Variants in PDIK1L observed in about 807,000 individuals in gnomAD.
PDIK1L encodes the protein serine/threonine-protein kinase PDIK1L.
A neutral mutation model predicts 27.1 loss-of-function variants in PDIK1L; 9 were observed. That is an observed-to-expected ratio of 0.33 (90% confidence interval 0.20 to 0.58). The LOEUF (loss-of-function observed/expected upper bound fraction) is 0.58, where lower values mean the gene tolerates loss of function less well. PDIK1L is among the 20% of genes least tolerant of loss of function. PDIK1L has a pLI of 0.86. For synonymous variants in PDIK1L, 130 were observed against 141.7 expected (o/e 0.92, Z 0.59); for missense variants, 216 against 413.2 (o/e 0.52, Z 4.14).
Position 26,122,704 on chromosome 1 carries a change from A to ATT in PDIK1L, c.*136_*137dup. On this transcript the variant is annotated 3_prime_UTR_variant, in exon 3 of 3. Transcript: ENST00000374269. This position sits in a 1 kb window ranked among gnomAD's most constrained non-coding sequence, Gnocchi z 5.4. ...TCTAAGGGTTTAGATTTTTTGTGGG[A>ATT]TTTTTTTTTTCCTCATTTTTCTTAA... is the stretch of plus-strand genomic sequence containing the variant. 4.5e-6 allele frequency: 5 copies of ATT among 1,115,198 alleles called. No homozygotes were observed. Among genetic ancestry groups the ATT allele is most frequent in the Non-Finnish European group, 5.8e-6 (5 of 855,392 alleles). The allele number at this position is 1,115,198 out of a possible 1,614,324, so 69.1% of individuals were successfully genotyped here.
At chr1:26,118,476 A>C (rs1333460379) in intron 2 of PDIK1L, among the ~76,000 whole-genome samples, 2 of 152,218 alleles carry the variant, frequency 1.3e-5, no homozygotes, top group Admixed American at 1.3e-4. Flanking sequence ...TTTGTTTAGT[A>C]AATCTCTTTC....
intron 2 of PDIK1L, among the ~76,000 whole-genome samples, chr1:26,115,781 A>G (rs57525480): frequency 0.17 from 25,007 of 150,492 alleles, 2,244 homozygotes; most frequent in Middle Eastern, 0.24. Flanking sequence ...CAGCCTGGGC[A>G]ACTGAGCGAG....
In PDIK1L at chr1:26,124,345, C is replaced by A. The variant is rs1017549835; in HGVS notation, c.*1768C>A. On this transcript the variant is annotated 3_prime_UTR_variant, in exon 3 of 3. Transcript: ENST00000374269. ...TTTTAAGCTAATAAATATAAGAATT[C>A]TTTTGGAAATTAGAGGTGGAAACAC... 6.6e-6 allele frequency: 1 copy of A among 152,040 alleles called. No homozygotes were observed. Among genetic ancestry groups the A allele is most frequent in the Non-Finnish European group, 1.5e-5 (1 of 67,966 alleles). The allele number at this position is 152,040 out of a possible 1,614,324, so 9.4% of individuals were successfully genotyped here. A position where few individuals can be genotyped will look rare whatever the true frequency, so the allele number is the denominator to read the frequency against.
chr1:26,121,403 G>A (rs1424106682), intron 2 of PDIK1L, among the ~76,000 whole-genome samples: 1 of 152,180 alleles, frequency 6.6e-6, no homozygotes, highest in Non-Finnish European at 1.5e-5. Context: ...TGTGCAATCA[G>A]TAAGAAGTAT....
rs1165207432 is a variant in PDIK1L, at chr1:26,123,942, A to G, written c.*1365A>G. ...CTGTAAATGCAGATAGTTAAAATCT[A>G]AAGGATAGAATGCTTTCCTAAAACA... On this transcript the variant is annotated 3_prime_UTR_variant, in exon 3 of 3. Coordinates refer to ENST00000374269, the MANE Select transcript of PDIK1L (RefSeq NM_152835.5). The G allele has an allele frequency of 6.6e-6, 1 of 152,662 alleles. No individual in the cohort carries two copies. The highest frequency in any genetic ancestry group is 1.5e-5 in the Non-Finnish European group (1 of 68,040). 9.5% of individuals were successfully genotyped at this position (152,662 alleles called of 1,614,324 possible). A position where few individuals can be genotyped will look rare whatever the true frequency, so the allele number is the denominator to read the frequency against.
chr1:26,114,325 C>T lies in PDIK1L; in HGVS notation c.17C>T (p.Pro6Leu). 6.2e-7 allele frequency: 1 copy of T among 1,610,112 alleles called. No homozygotes were observed. Among genetic ancestry groups the T allele is most frequent in the Non-Finnish European group, 8.5e-7 (1 of 1,176,658 alleles). MVSSQ[P>L]KYDLIREVGR... Reference sequence around the variant, plus strand: ...ACCTTGAAGATGGTGAGTAGCCAGCCAAAGTACGATCTAATACGGGAGGTA... The same window carrying T: ...ACCTTGAAGATGGTGAGTAGCCAGCTAAAGTACGATCTAATACGGGAGGTA... Residue 6 changes from proline (P) to leucine (L), a missense_variant, in exon 2 of 3, where the codon CCA becomes CTA. Transcript: ENST00000374269. This position sits in a 1 kb window ranked among gnomAD's most constrained non-coding sequence, Gnocchi z 4.8.
chr1:26,114,639 T>G lies in PDIK1L; in HGVS notation c.285+46T>G. 3.8e-6 allele frequency: 6 copies of G among 1,574,652 alleles called. No homozygotes were observed. The highest frequency in any genetic ancestry group is 1.3e-5 in the African/African-American group (1 of 74,090). On this transcript the variant is annotated intron_variant, in intron 2 of 2. Coordinates refer to ENST00000374269, the MANE Select transcript of PDIK1L (RefSeq NM_152835.5). This position sits in a 1 kb window ranked among gnomAD's most constrained non-coding sequence, Gnocchi z 4.8. ...AATAGAAATGATTTGAACATGGCAT[T>G]GGCCAGCAAGAAGAGGAATGAAAGG...
intron 2 of PDIK1L, among the ~76,000 whole-genome samples, chr1:26,118,192 G>A (rs749373828): frequency 6.6e-6 from 1 of 152,094 alleles, no homozygotes; most frequent in Non-Finnish European, 1.5e-5. Context: ...ATGGTGGCAC[G>A]CACCTTTAGT....
upstream of PDIK1L, among the ~76,000 whole-genome samples, chr1:26,111,628 C>T (rs866244651): frequency 2.0e-5 from 3 of 151,430 alleles, no homozygotes; most frequent in Non-Finnish European, 4.4e-5. This position sits in a 1 kb window ranked among gnomAD's most constrained non-coding sequence, Gnocchi z 4.0. Context: ...GTGGTGCGCT[C>T]CGGAGCGCGC....
rs2124468666 is a variant in PDIK1L, at chr1:26,114,755, CA to C, written c.285+164del. ...AATTGAGTAGATGTTTGCTTTAAAA[CA>C]AGGTTTTATTTAAACCTGTGAGGCA... On this transcript the variant is annotated intron_variant, in intron 2 of 2. Transcript: ENST00000374269. The surrounding 1 kb of genome is among the most constrained non-coding windows in gnomAD (Gnocchi z 4.8). Among the ~76,000 whole-genome samples the C allele has an allele frequency of 6.6e-6, 1 of 152,292 alleles. No individual in the cohort carries two copies. The highest frequency in any genetic ancestry group is 1.5e-5 in the Non-Finnish European group (1 of 68,020).
chr1:26,114,598 GTGT>G lies in PDIK1L; in HGVS notation c.285+11_285+13del. 1 of 1,608,272 alleles carries G rather than the reference GTGT, an allele frequency of 6.2e-7. No homozygotes were observed. Among genetic ancestry groups the G allele is most frequent in the Admixed American group, 1.7e-5 (1 of 59,890 alleles). ...AATTCTTCCCTTTATTTACAGGTAT[GTGT>G]TGTTGATTGGGAAATAGAAATGATT... On this transcript the variant is annotated splice_donor_region_variant and intron_variant, in intron 2 of 2. Coordinates refer to ENST00000374269, the MANE Select transcript of PDIK1L (RefSeq NM_152835.5). The surrounding 1 kb of genome is among the most constrained non-coding windows in gnomAD (Gnocchi z 4.8).
rs1331585200 is a variant in PDIK1L at position 26,123,180 on chromosome 1, T to TG, written c.*603_*604insG. 1.3e-5 allele frequency: 2 copies of TG among 152,406 alleles called. No homozygotes were observed. Among genetic ancestry groups the TG allele is most frequent in the African/African-American group, 4.8e-5 (2 of 41,394 alleles). The allele number at this position is 152,406 out of a possible 1,614,324, so 9.4% of individuals were successfully genotyped here. ...CTAATGAAATCATATTAAGTTGTTT[T>TG]TTTTTTTTTTTGTAATATACAGCTT... On this transcript the variant is annotated 3_prime_UTR_variant, in exon 3 of 3. Coordinates refer to ENST00000374269, the MANE Select transcript of PDIK1L (RefSeq NM_152835.5).
At chr1:26,113,751 C>T (rs946732442) in intron 1 of PDIK1L, among the ~76,000 whole-genome samples, 1 of 152,050 alleles carries the variant, frequency 6.6e-6, no homozygotes, top group Non-Finnish European at 1.5e-5. Context: ...GTTTTATGAC[C>T]ATTATGTGTG....
Position 26,125,265 on chromosome 1 carries a change from A to G in PDIK1L, c.*2688A>G, listed in dbSNP as rs1040888622. The G allele has an allele frequency of 3.9e-5, 6 of 152,554 alleles. No homozygotes were observed. Among genetic ancestry groups the G allele is most frequent in the African/African-American group, 1.4e-4 (6 of 41,420 alleles). 9.5% of individuals were successfully genotyped at this position (152,554 alleles called of 1,614,324 possible). On this transcript the variant is annotated 3_prime_UTR_variant, in exon 3 of 3. Transcript: ENST00000374269. ...GTGTCAGATAAATAGCACACAGAAT[A>G]GTTCTTTCTGCTGGTCTGTTTTTTC...
rs1417522613 is a variant in PDIK1L at position 26,125,285 on chromosome 1, T to C, written c.*2708T>C. 6.6e-6 allele frequency: 1 copy of C among 152,646 alleles called. No homozygotes were observed. Among genetic ancestry groups the C allele is most frequent in the African/African-American group, 2.4e-5 (1 of 41,466 alleles). The allele number at this position is 152,646 out of a possible 1,614,324, so 9.5% of individuals were successfully genotyped here. A position where few individuals can be genotyped will look rare whatever the true frequency, so the allele number is the denominator to read the frequency against. On this transcript the variant is annotated 3_prime_UTR_variant, in exon 3 of 3. Coordinates refer to ENST00000374269, the MANE Select transcript of PDIK1L (RefSeq NM_152835.5). The stretch of plus-strand genomic sequence containing the variant: ...AGAATAGTTCTTTCTGCTGGTCTGT[T>C]TTTTCTCTTCGTTGTTGTTGTTTTT...
chr1:26,116,802 G>A (rs770493694), intron 2 of PDIK1L, among the ~76,000 whole-genome samples: 1 of 151,874 alleles, frequency 6.6e-6, no homozygotes, highest in Non-Finnish European at 1.5e-5. Flanking sequence ...TGCCACCTCC[G>A]CCTCCCGGGT....
At chr1:26,117,079 T>C (rs573590338) in intron 2 of PDIK1L, among the ~76,000 whole-genome samples, 1 of 139,298 alleles carries the variant, frequency 7.2e-6, no homozygotes, top group South Asian at 2.4e-4. Context: ...TCGCTCAGGC[T>C]GGAGTGCAGT....
chr1:26,116,500 G>A lies in PDIK1L; in HGVS notation c.285+1907G>A, dbSNP rs182412281. 1.4e-3 allele frequency among the ~76,000 whole-genome samples: 220 copies of A among 152,250 alleles called. 1 individual carries two copies. The highest frequency in any genetic ancestry group is 2.3e-3 in the South Asian group (11 of 4,824). Reference sequence around the variant, plus strand: ...ACTGCACTGCAGCCTGGGTGACAGCGAGATTCTGTCCCCCAAAACAAAAAA... The same window carrying A: ...ACTGCACTGCAGCCTGGGTGACAGCAAGATTCTGTCCCCCAAAACAAAAAA... On this transcript the variant is annotated intron_variant, in intron 2 of 2. Transcript: ENST00000374269.
chr1:26,122,781 G>GTA lies in PDIK1L; in HGVS notation c.*204_*205insTA, dbSNP rs2088011034. ...GTTTCAAATGTGTATTACCAATGTG[G>GTA]GTGTAAATTTTTAAAAAATGATTAT... is the stretch of plus-strand genomic sequence containing the variant. On this transcript the variant is annotated 3_prime_UTR_variant, in exon 3 of 3. Coordinates refer to ENST00000374269, the MANE Select transcript of PDIK1L (RefSeq NM_152835.5). This position sits in a 1 kb window ranked among gnomAD's most constrained non-coding sequence, Gnocchi z 5.4. 1 of 460,040 alleles carries GTA rather than the reference G, an allele frequency of 2.2e-6. No homozygotes were observed. The highest frequency in any genetic ancestry group is 2.0e-5 in the African/African-American group (1 of 49,368). The allele number at this position is 460,040 out of a possible 1,614,324, so 28.5% of individuals were successfully genotyped here.
Sources: allele counts gnomAD v4.1 joint callset (sites outside exome capture counted in the v4.1 genomes callset), GRCh38; gene constraint gnomAD v4.1.1; non-coding constraint Gnocchi (gnomAD v3.1); transcripts MANE v1.5; gene names NCBI Gene and HGNC (gene_info 2026-07-23, HGNC 2026-07-21).